YWHAQ: variants seen among roughly 807,000 people sequenced by gnomAD.
The protein encoded by YWHAQ is tyrosine 3-monooxygenase/tryptophan 5-monooxygenase activation protein theta.
A neutral mutation model predicts 28.3 loss-of-function variants in YWHAQ; 6 were observed. The observed-to-expected ratio is 0.21, with a 90% confidence interval of 0.12 to 0.42. The LOEUF (loss-of-function observed/expected upper bound fraction) is 0.42. Among genes scored for constraint, YWHAQ ranks in the 10% least tolerant of loss-of-function variants. The pLI, the probability that YWHAQ is intolerant of heterozygous loss-of-function variation, is 1.00. For missense variants in YWHAQ, 201 were observed against 305.6 expected (o/e 0.66, Z 2.55); for synonymous variants, 143 against 119.1 (o/e 1.20, Z -1.31).
intron 2 of YWHAQ, among the ~76,000 whole-genome samples, chr2:9,594,958 C>T (rs1279991381): frequency 2.0e-5 from 3 of 152,234 alleles, no homozygotes; most frequent in African/African-American, 7.2e-5. Flanking sequence ...CATTACAACA[C>T]AGCCACTTAT....
chr2:9,597,544 G>T (rs549844084), intron 2 of YWHAQ, among the ~76,000 whole-genome samples: 1 of 150,912 alleles, frequency 6.6e-6, no homozygotes, highest in Non-Finnish European at 1.5e-5. Flanking sequence ...TACTCGGGAG[G>T]CTGAGGCAGG....
intron 2 of YWHAQ, among the ~76,000 whole-genome samples, chr2:9,622,837 TA>T (rs2125073834): frequency 6.6e-6 from 1 of 152,356 alleles, no homozygotes; most frequent in Admixed American, 6.5e-5. Context: ...ATCTATGGAT[TA>T]AGAGTTTAAT....
intron 2 of YWHAQ, among the ~76,000 whole-genome samples, chr2:9,620,964 C>A (rs1667130295): frequency 6.6e-6 from 1 of 152,132 alleles, no homozygotes; most frequent in Admixed American, 6.5e-5. Flanking sequence ...AGTCTGGGAA[C>A]CCCTAGAGGT....
chr2:9,600,830 T>C (rs1281037260), intron 2 of YWHAQ, among the ~76,000 whole-genome samples: 1 of 152,168 alleles, frequency 6.6e-6, no homozygotes, highest in Non-Finnish European at 1.5e-5. Flanking sequence ...TCAGCAACCA[T>C]CAACATGGAG....
In YWHAQ at chr2:9,630,963, C is replaced by A. The variant is rs1667367016; in HGVS notation, c.-105G>T. 1.3e-5 allele frequency: 2 copies of A among 152,742 alleles called. No individual in the cohort carries two copies. Among genetic ancestry groups the A allele is most frequent in the Non-Finnish European group, 2.9e-5 (2 of 68,132 alleles). The allele number at this position is 152,742 out of a possible 1,614,324, so 9.5% of individuals were successfully genotyped here. On this transcript the variant is annotated 5_prime_UTR_variant, in exon 1 of 6. Coordinates refer to ENST00000238081, the MANE Select transcript of YWHAQ (RefSeq NM_006826.4). The surrounding 1 kb of genome is among the most constrained non-coding windows in gnomAD (Gnocchi z 5.6). ...CACCTTCACGTCTCCGCGGCCGCGA[C>A]GCGAGTCCCACCACTTTGATCTGCT...
intron 2 of YWHAQ, among the ~76,000 whole-genome samples, chr2:9,625,378 A>G (rs1309143077): frequency 2.0e-5 from 3 of 152,212 alleles, no homozygotes; most frequent in Non-Finnish European, 2.9e-5. Context: ...TGTGTGTATA[A>G]GAAAGTCTTC....
chr2:9,614,204 A>G (rs1667002992), intron 2 of YWHAQ, among the ~76,000 whole-genome samples: 1 of 152,228 alleles, frequency 6.6e-6, no homozygotes, highest in Non-Finnish European at 1.5e-5. Flanking sequence ...TAATACTTCC[A>G]CTGGTGACAC....
Position 9,591,560 on chromosome 2 carries a change from C to T in YWHAQ, c.295-45G>A, listed in dbSNP as rs780753322. On this transcript the variant is annotated intron_variant, in intron 2 of 5. Coordinates refer to ENST00000238081, the MANE Select transcript of YWHAQ (RefSeq NM_006826.4). ...ACATTAGGCACTAAACTTCTGCCTA[C>T]TGTGCATTATCATTAAATGATAAAA... 8.9e-6 allele frequency: 14 copies of T among 1,573,996 alleles called. No homozygotes were observed. The South Asian group carries it at 1.0e-4, about 11-fold the overall frequency.
chr2:9,608,441 T>C (rs1407288632), intron 2 of YWHAQ, among the ~76,000 whole-genome samples: 2 of 152,120 alleles, frequency 1.3e-5, no homozygotes, highest in Non-Finnish European at 2.9e-5. Flanking sequence ...CAGTCTCCCA[T>C]AAAAAGCAGA....
chr2:9,591,244 G>T, intron 3 of YWHAQ, 148 bp downstream of exon 3: 1 of 979,978 alleles, frequency 1.0e-6, no homozygotes, highest in Non-Finnish European at 1.4e-6. Flanking sequence ...TCATTTTTGA[G>T]AACATAAGGT....
intron 2 of YWHAQ, among the ~76,000 whole-genome samples, chr2:9,612,543 T>TG (rs1666968532): frequency 6.6e-6 from 1 of 152,204 alleles, no homozygotes; most frequent in South Asian, 2.1e-4. Flanking sequence ...CAAAAGGAGT[T>TG]GGGAAGCATT....
intron 2 of YWHAQ, among the ~76,000 whole-genome samples, chr2:9,604,937 C>T (rs1394836743): frequency 3.9e-5 from 6 of 152,276 alleles, no homozygotes; most frequent in East Asian, 3.9e-4. Context: ...CATAGTAGGA[C>T]TCATTATTTG....
At chr2:9,625,999 CA>C (rs1667241374) in intron 2 of YWHAQ, among the ~76,000 whole-genome samples, 1 of 115,048 alleles carries the variant, frequency 8.7e-6, no homozygotes. Context: ...CAGCGTAAGA[CA>C]TTTTTTATTG....
At chr2:9,620,407 G>A (rs796884813) in intron 2 of YWHAQ, among the ~76,000 whole-genome samples, 1 of 152,330 alleles carries the variant, frequency 6.6e-6, no homozygotes, top group African/African-American at 2.4e-5. Context: ...ATGAAGACAA[G>A]TTTCACTGAT....
At chr2:9,607,679 T>C (rs1666860516) in intron 2 of YWHAQ, among the ~76,000 whole-genome samples, 1 of 151,126 alleles carries the variant, frequency 6.6e-6, no homozygotes, top group South Asian at 2.1e-4. Flanking sequence ...TATGAAATGG[T>C]AACACATTTT....
chr2:9,600,154 T>C (rs1666660082), intron 2 of YWHAQ, among the ~76,000 whole-genome samples: 1 of 152,210 alleles, frequency 6.6e-6, no homozygotes, highest in Non-Finnish European at 1.5e-5. Context: ...AAGATGTGAC[T>C]GAATTGCTGC....
intron 2 of YWHAQ, among the ~76,000 whole-genome samples, chr2:9,607,609 A>G (rs1666859244): frequency 6.6e-6 from 1 of 152,206 alleles, no homozygotes; most frequent in East Asian, 1.9e-4. Flanking sequence ...TAAAATAGAC[A>G]AAGAGGAGAC....
chr2:9,587,383 G>C (rs746680124), intron 5 of YWHAQ, 31 bp downstream of exon 5: 1 of 1,567,556 alleles, frequency 6.4e-7, no homozygotes, highest in East Asian at 2.3e-5. Context: ...TTTCTGAAAA[G>C]AAAATAAAAT....
In YWHAQ at chr2:9,605,344, ACC is replaced by A. The variant is rs1666801756; in HGVS notation, c.295-13831_295-13830del. 2.0e-5 allele frequency among the ~76,000 whole-genome samples: 3 copies of A among 151,704 alleles called. No homozygotes were observed. In the South Asian group the frequency reaches 6.2e-4, roughly 32 times the overall value. ...TGTAGAGATGGGGTTTTGCCATTTT[ACC>A]CAGGCTGGTAACTACTGAGCTCAAG... On this transcript the variant is annotated intron_variant, in intron 2 of 5. Coordinates refer to ENST00000238081, the MANE Select transcript of YWHAQ (RefSeq NM_006826.4).
Sources: allele counts gnomAD v4.1 joint callset (sites outside exome capture counted in the v4.1 genomes callset), GRCh38; gene constraint gnomAD v4.1.1; non-coding constraint Gnocchi (gnomAD v3.1); transcripts MANE v1.5; gene names NCBI Gene and HGNC (gene_info 2026-07-23, HGNC 2026-07-21).